Variants in RP2 observed in about 807,000 individuals in gnomAD.
The protein encoded by RP2 is RP2 activator of ARL3 GTPase.
Under a neutral mutation model 20.3 loss-of-function variants are expected in RP2, and 3 were observed. The ratio of observed to expected loss-of-function variants is 0.15; its 90% confidence interval spans 0.07 to 0.38. The LOEUF is 0.38. RP2 is among the 10% of genes least tolerant of loss of function. RP2 has a pLI of 1.00. For synonymous variants in RP2, 75 were observed against 94.8 expected, an observed-to-expected ratio of 0.79 and a Z score of 1.22; for missense variants, 233 against 268.5, an observed-to-expected ratio of 0.87 and a Z score of 0.92.
At chrX:46,850,617 G>A (rs782680751) in intron 1 of RP2, among the ~76,000 whole-genome samples, 2 of 111,246 alleles carry the variant, frequency 1.8e-5, no homozygotes, top group South Asian at 7.5e-4. Context: ...ACTTTGTTCC[G>A]TCTGTTACTT....
intron 1 of RP2, among the ~76,000 whole-genome samples, chrX:46,847,907 TG>T (rs1924784865): frequency 1.3e-5 from 1 of 77,962 alleles, no homozygotes; most frequent in East Asian, 4.2e-4. Flanking sequence ...TACATATATA[TG>T]GACTCATATA....
intron 3 of RP2, among the ~76,000 whole-genome samples, chrX:46,869,507 G>A (rs1263402187): frequency 9.4e-6 from 1 of 106,125 alleles, no homozygotes; most frequent in Non-Finnish European, 1.9e-5. Context: ...ATGTTGGTCA[G>A]GCTGGTCTCG....
intron 1 of RP2, among the ~76,000 whole-genome samples, chrX:46,847,781 T>C (rs201622936): frequency 1.4e-5 from 1 of 71,322 alleles, no homozygotes; most frequent in Non-Finnish European, 2.3e-5. Flanking sequence ...TGTGTGTACA[T>C]ACACACATGT....
chrX:46,878,482 T>A (rs1190616851), intron 4 of RP2, among the ~76,000 whole-genome samples: 1 of 111,563 alleles, frequency 9.0e-6, no homozygotes, highest in East Asian at 2.8e-4. Flanking sequence ...AAACCAAACA[T>A]AGAGGATTAC....
chrX:46,843,395 C>T (rs1924660414), intron 1 of RP2, among the ~76,000 whole-genome samples: 1 of 111,764 alleles, frequency 8.9e-6, no homozygotes, highest in Non-Finnish European at 1.9e-5. Flanking sequence ...AGTGTTGTTT[C>T]TTCACCCATA....
chrX:46,860,833 G>T (rs1355898977), intron 3 of RP2, among the ~76,000 whole-genome samples: 1 of 112,260 alleles, frequency 8.9e-6, no homozygotes, highest in Non-Finnish European at 1.9e-5. Flanking sequence ...ATTCCCTAGA[G>T]AGAGGGCACA....
At chrX:46,873,036 G>T (rs1313040587) in intron 3 of RP2, among the ~76,000 whole-genome samples, 4 of 111,455 alleles carry the variant, frequency 3.6e-5, no homozygotes, top group Admixed American at 9.6e-5. Flanking sequence ...ACTGTGCCTG[G>T]CCTGAACCGT....
intron 1 of RP2, 111 bp from the exon 2 acceptor site, chrX:46,853,365 T>A (rs1407494157): frequency 1.5e-6 from 1 of 647,836 alleles, no homozygotes; most frequent in Non-Finnish European, 2.3e-6. Context: ...TCATTGAGAT[T>A]AAGAATTTAT....
intron 2 of RP2, among the ~76,000 whole-genome samples, chrX:46,854,595 G>A (rs1259726475): frequency 1.8e-5 from 2 of 109,162 alleles, no homozygotes; most frequent in African/African-American, 6.9e-5. Context: ...TATAGTGTAT[G>A]CTGGAGATGA....
intron 3 of RP2, among the ~76,000 whole-genome samples, chrX:46,866,117 T>A (rs1445283551): frequency 9.0e-6 from 1 of 111,323 alleles, no homozygotes; most frequent in Non-Finnish European, 1.9e-5. Flanking sequence ...GAACACTTCC[T>A]TACTTCCTGG....
chrX:46,850,657 A>ATT (rs1924842878), intron 1 of RP2, among the ~76,000 whole-genome samples: 1 of 111,094 alleles, frequency 9.0e-6, no homozygotes, highest in Admixed American at 9.7e-5. Flanking sequence ...AGGGTCCTTT[A>ATT]TTCCTACCCC....
At chrX:46,878,170 C>G (rs1268643868) in intron 4 of RP2, among the ~76,000 whole-genome samples, 4 of 109,218 alleles carry the variant, frequency 3.7e-5, no homozygotes, top group East Asian at 2.9e-4. Flanking sequence ...GTCAGGAGAT[C>G]GAGACCATCC....
chrX:46,865,820 C>T (rs1298190135), intron 3 of RP2, among the ~76,000 whole-genome samples: 3 of 109,584 alleles, frequency 2.7e-5, no homozygotes, highest in Non-Finnish European at 1.9e-5. Flanking sequence ...CCCAGCTACT[C>T]GGGAGGCTGA....
chrX:46,840,488 T>A (rs902419669), intron 1 of RP2, among the ~76,000 whole-genome samples: 1 of 112,803 alleles, frequency 8.9e-6, no homozygotes, highest in African/African-American at 3.2e-5. Flanking sequence ...GAAAAAAGAT[T>A]ACAATTCTTA....
At chrX:46,874,309 CTT>C (rs1925337791) in intron 3 of RP2, among the ~76,000 whole-genome samples, 1 of 111,649 alleles carries the variant, frequency 9.0e-6, no homozygotes, top group African/African-American at 3.3e-5. Context: ...AAATGTCTAA[CTT>C]AAATACACAC....
intron 3 of RP2, among the ~76,000 whole-genome samples, chrX:46,872,221 CT>C (rs1230640283): frequency 8.9e-6 from 1 of 112,304 alleles, no homozygotes; most frequent in Non-Finnish European, 1.9e-5. Context: ...AAAGATTTAT[CT>C]TTTTTTCTTG....
Position 46,877,606 on chromosome X carries a change from G to A in RP2, c.969+16G>A. 9.6e-7 allele frequency: 1 copy of A among 1,044,319 alleles called. No individual in the cohort carries two copies. Among genetic ancestry groups the A allele is most frequent in the Non-Finnish European group, 1.3e-6 (1 of 743,335 alleles). 86.1% of individuals were successfully genotyped at this position (1,044,319 alleles called of 1,213,427 possible). A position where few individuals can be genotyped will look rare whatever the true frequency, so the allele number is the denominator to read the frequency against. On this transcript the variant is annotated intron_variant, in intron 4 of 4. Coordinates refer to ENST00000218340, the MANE Select transcript of RP2 (RefSeq NM_006915.3). The stretch of plus-strand genomic sequence containing the variant: ...TGGGACCAAGGTACAAGATTTTATT[G>A]ACTGTATTTCAATCTAACTTTTCAT...
intron 3 of RP2, among the ~76,000 whole-genome samples, chrX:46,874,144 AC>A (rs1556327313): frequency 1.8e-5 from 2 of 112,009 alleles, no homozygotes; most frequent in Non-Finnish European, 3.8e-5. Flanking sequence ...GCATTTGTCC[AC>A]TTTTTTGTTG....
At chrX:46,838,283 C>T (rs782747149) in intron 1 of RP2, among the ~76,000 whole-genome samples, 1 of 112,178 alleles carries the variant, frequency 8.9e-6, no homozygotes, top group Admixed American at 9.5e-5. Flanking sequence ...AAGCTTTTTG[C>T]AGCTTTTCTC....
Sources: allele counts gnomAD v4.1 joint callset (sites outside exome capture counted in the v4.1 genomes callset), GRCh38; gene constraint gnomAD v4.1.1; transcripts MANE v1.5; gene names NCBI Gene and HGNC (gene_info 2026-07-23, HGNC 2026-07-21).